Variants in NHSL1 observed in about 807,000 individuals in gnomAD.
NHSL1 encodes NHS like 1.
Under a neutral mutation model 95.0 loss-of-function variants are expected in NHSL1, and 48 were observed. The observed-to-expected ratio is 0.51, with a 90% confidence interval of 0.40 to 0.64. NHSL1 has a LOEUF of 0.64. Ranked by LOEUF, NHSL1 falls within the 30% of genes least tolerant of loss-of-function variation. The probability of loss-of-function intolerance (pLI) is 0.00; values close to 1 mark genes in which losing one functional copy is unlikely to be tolerated. For missense variants in NHSL1, 1,971 were observed against 2,077.7 expected (o/e 0.95, Z 1.00); for synonymous variants, 783 against 833.9 (o/e 0.94, Z 1.05).
upstream of NHSL1, among the ~76,000 whole-genome samples, chr6:138,576,683 C>T (rs560991925): frequency 8.5e-4 from 129 of 152,294 alleles, no homozygotes; most frequent in South Asian, 2.5e-3. Flanking sequence ...AGGGCTTTGT[C>T]GCAGCTGCCT....
At chr6:138,638,293 G>GTTT (rs1784914975) in intron 1 of NHSL1, among the ~76,000 whole-genome samples, 2 of 152,182 alleles carry the variant, frequency 1.3e-5, no homozygotes, top group South Asian at 4.1e-4. Flanking sequence ...CAGCACAACA[G>GTTT]AGTGACTATA....
In NHSL1 at chr6:138,422,440, T is replaced by C. The variant is rs1774978085; in HGVS notation, c.*1641A>G. The C allele has an allele frequency of 6.6e-6, 1 of 152,226 alleles. No individual in the cohort carries two copies. The highest frequency in any genetic ancestry group is 1.9e-4 in the East Asian group (1 of 5,198). 9.4% of individuals were successfully genotyped at this position (152,226 alleles called of 1,614,324 possible). The stretch of plus-strand genomic sequence containing the variant: ...TATGGGTATCTAAAGTTTTAGTTTA[T>C]AAGTCTCATAATGATTTGACCCATG... On this transcript the variant is annotated 3_prime_UTR_variant, in exon 8 of 8. Transcript: ENST00000343505.
intron 2 of NHSL1, among the ~76,000 whole-genome samples, chr6:138,491,956 G>A (rs1780103922): frequency 6.6e-6 from 1 of 152,102 alleles, no homozygotes; most frequent in Non-Finnish European, 1.5e-5. Context: ...GATTAGGGAT[G>A]TTCAACCTGT....
At chr6:138,569,893 A>G (rs1783776701) in intron 1 of NHSL1, among the ~76,000 whole-genome samples, 1 of 151,064 alleles carries the variant, frequency 6.6e-6, no homozygotes, top group South Asian at 2.1e-4. Flanking sequence ...AAAAAAAAAC[A>G]CATAAACTTA....
At chr6:138,631,315 C>A (rs576312641) in intron 1 of NHSL1, among the ~76,000 whole-genome samples, 1 of 152,142 alleles carries the variant, frequency 6.6e-6, no homozygotes, top group East Asian at 1.9e-4. Context: ...CTAGGCAAGT[C>A]GTGCTGGACT....
At chr6:138,634,869 A>T (rs950486703) in intron 1 of NHSL1, among the ~76,000 whole-genome samples, 1 of 152,140 alleles carries the variant, frequency 6.6e-6, no homozygotes, top group Non-Finnish European at 1.5e-5. Context: ...TAAAAACTAG[A>T]GATCAATAAG....
At chr6:138,619,607 G>A (rs1214243560) in intron 1 of NHSL1, among the ~76,000 whole-genome samples, 1 of 152,136 alleles carries the variant, frequency 6.6e-6, no homozygotes, top group Non-Finnish European at 1.5e-5. Flanking sequence ...TGTACAAATA[G>A]TACATTCTCC....
At chr6:138,441,522 T>C (rs1776522231) in intron 5 of NHSL1, among the ~76,000 whole-genome samples, 1 of 152,212 alleles carries the variant, frequency 6.6e-6, no homozygotes, top group Admixed American at 6.5e-5. Context: ...TTATTGACAT[T>C]TACCAATAAT....
chr6:138,513,499 G>C (rs1029668472), intron 1 of NHSL1, among the ~76,000 whole-genome samples: 1 of 152,104 alleles, frequency 6.6e-6, no homozygotes, highest in Non-Finnish European at 1.5e-5. Flanking sequence ...GGCCTCCCAA[G>C]TAGCTGGGAT....
At chr6:138,681,909 A>G (rs2114786487) in intron 1 of NHSL1, among the ~76,000 whole-genome samples, 1 of 152,300 alleles carries the variant, frequency 6.6e-6, no homozygotes, top group South Asian at 2.1e-4. Context: ...GGGGAAGTAA[A>G]GTATAACAAA....
exon 1 of NHSL1, chr6:138,572,066 G>A: frequency 1.7e-6 from 1 of 601,242 alleles, no homozygotes; most frequent in Admixed American, 3.2e-5. Flanking sequence ...CGGCTTCTGT[G>A]TCACCCAATT....
chr6:138,602,979 A>C (rs1784390510), intron 1 of NHSL1, among the ~76,000 whole-genome samples: 1 of 152,232 alleles, frequency 6.6e-6, no homozygotes, highest in Admixed American at 6.5e-5. Flanking sequence ...AAGCACCCAC[A>C]GAAAAAGCCC....
chr6:138,594,225 T>C (rs1167954265), intron 1 of NHSL1, among the ~76,000 whole-genome samples: 1 of 152,190 alleles, frequency 6.6e-6, no homozygotes, highest in Non-Finnish European at 1.5e-5. Flanking sequence ...GCTAAAGTAC[T>C]AGTATTTTTG....
At chr6:138,479,622 A>G (rs1779295042) in intron 2 of NHSL1, among the ~76,000 whole-genome samples, 1 of 152,232 alleles carries the variant, frequency 6.6e-6, no homozygotes, top group Non-Finnish European at 1.5e-5. Context: ...TCACTTCTGG[A>G]ATTTTCCATT....
intron 1 of NHSL1, among the ~76,000 whole-genome samples, chr6:138,682,517 A>T (rs1446194921): frequency 6.6e-6 from 1 of 152,212 alleles, no homozygotes; most frequent in Non-Finnish European, 1.5e-5. Flanking sequence ...TGGTCATTCT[A>T]TTCCTTATTA....
intron 3 of NHSL1, among the ~76,000 whole-genome samples, chr6:138,458,875 T>G (rs1777810322): frequency 6.6e-6 from 1 of 151,302 alleles, no homozygotes; most frequent in African/African-American, 2.4e-5. Flanking sequence ...TCTACTCACG[T>G]TTTTATTGGT....
intron 1 of NHSL1, among the ~76,000 whole-genome samples, chr6:138,611,501 C>T (rs776292486): frequency 5.9e-5 from 9 of 152,144 alleles, no homozygotes; most frequent in Non-Finnish European, 1.3e-4. Context: ...AATCCCAGCA[C>T]TTTGGGAGGC....
At chr6:138,574,037 C>T (rs147873612), upstream of NHSL1, among the ~76,000 whole-genome samples, 1,997 of 152,258 alleles carry the variant, frequency 0.013, 20 homozygotes, top group Middle Eastern at 0.034. Context: ...ACACCATTCT[C>T]CTGACTCAGC....
At chr6:138,469,451 C>G (rs55684552) in intron 3 of NHSL1, among the ~76,000 whole-genome samples, 1 of 152,106 alleles carries the variant, frequency 6.6e-6, no homozygotes, top group Non-Finnish European at 1.5e-5. Context: ...AGGCTGAGCG[C>G]GATGACTCAC....
Sources: gnomAD v4.1 joint callset for allele counts (sites outside exome capture counted in the v4.1 genomes callset) on GRCh38, gnomAD v4.1.1 for gene constraint, MANE v1.5 for transcripts, NCBI Gene and HGNC (gene_info 2026-07-23, HGNC 2026-07-21) for gene names.